Variants in FGF12 observed in about 807,000 individuals in gnomAD.
FGF12 encodes fibroblast growth factor 12B.
FGF12 carries 14 observed loss-of-function variants against 23.6 expected under a neutral mutation model. That is an observed-to-expected ratio of 0.59 (90% CI 0.39 to 0.93). FGF12 has a LOEUF of 0.93. Ranked by LOEUF, FGF12 falls within the 40% of genes least tolerant of loss-of-function variation. The pLI, the probability that FGF12 is intolerant of heterozygous loss-of-function variation, is 0.00. For missense variants in FGF12, 175 were observed against 217.8 expected, an observed-to-expected ratio of 0.80 and a Z score of 1.24; for synonymous variants, 62 against 77.3, an observed-to-expected ratio of 0.80 and a Z score of 1.04.
At chr3:192,689,908 A>T (rs566696369) in intron 2 of FGF12, among the ~76,000 whole-genome samples, 28 of 151,590 alleles carry the variant, frequency 1.8e-4, no homozygotes, top group African/African-American at 6.3e-4. Flanking sequence ...AAGCAGGAAG[A>T]AAAAAAAAGC....
chr3:192,631,445 T>A (rs1474462460), intron 2 of FGF12, among the ~76,000 whole-genome samples: 1 of 152,238 alleles, frequency 6.6e-6, no homozygotes, highest in African/African-American at 2.4e-5. Context: ...CTTGCTAACA[T>A]CATTTGTTCA....
At chr3:192,324,433 GC>G (rs1443028105) in intron 4 of FGF12, among the ~76,000 whole-genome samples, 1 of 152,128 alleles carries the variant, frequency 6.6e-6, no homozygotes, top group Non-Finnish European at 1.5e-5. Flanking sequence ...TATATCTACT[GC>G]TGCTACTGTT....
At chr3:192,255,198 C>T (rs1383428038) in intron 4 of FGF12, among the ~76,000 whole-genome samples, 1 of 152,000 alleles carries the variant, frequency 6.6e-6, no homozygotes, top group Non-Finnish European at 1.5e-5. Context: ...CTGCTCACAG[C>T]ATTGTATCAA....
chr3:192,267,662 G>A (rs1713163633), intron 4 of FGF12, among the ~76,000 whole-genome samples: 1 of 151,968 alleles, frequency 6.6e-6, no homozygotes, highest in Non-Finnish European at 1.5e-5. Context: ...GTGGCATTGT[G>A]GACATTTATA....
chr3:192,365,560 T>C (rs1416459713), intron 2 of FGF12, among the ~76,000 whole-genome samples: 1 of 151,952 alleles, frequency 6.6e-6, no homozygotes, highest in East Asian at 1.9e-4. Context: ...TATCTTCACA[T>C]CTCTATAAAT....
intron 2 of FGF12, among the ~76,000 whole-genome samples, chr3:192,682,238 C>A (rs2108708507): frequency 2.0e-5 from 3 of 152,288 alleles, no homozygotes; most frequent in Middle Eastern, 6.8e-3. Context: ...AGCAGACACC[C>A]AATATTATCT....
In FGF12 at chr3:192,529,902, G is replaced by A. The variant is rs1725045233; in HGVS notation, c.14-169364C>T. Among the ~76,000 whole-genome samples, 4 of 152,010 alleles carry A rather than the reference G, an allele frequency of 2.6e-5. No homozygotes were observed. The South Asian group carries it at 8.3e-4, about 32-fold the overall frequency. On this transcript the variant is annotated intron_variant, in intron 2 of 5. Transcript: ENST00000445105. ...GGAATTCAAGATGAGATTTGGGTGG[G>A]GTCACAGCCAAACCATATCAGTGAG...
chr3:192,715,092 T>G lies in FGF12; in HGVS notation c.13+12089A>C, dbSNP rs1395346541. On this transcript the variant is annotated intron_variant, in intron 2 of 5. Transcript: ENST00000445105. The stretch of plus-strand genomic sequence containing the variant: ...TTGCTTTGCACAGTAGATGTGTTCT[T>G]GAAAAGCTAGTGAATAATTAAAGCT... Among the ~76,000 whole-genome samples, 4 of 152,334 alleles carry G rather than the reference T, an allele frequency of 2.6e-5. No homozygotes were observed. In the East Asian group the frequency reaches 7.7e-4, roughly 29 times the overall value.
At chr3:192,579,955 C>T (rs1046304843) in intron 2 of FGF12, among the ~76,000 whole-genome samples, 3 of 152,114 alleles carry the variant, frequency 2.0e-5, no homozygotes, top group South Asian at 2.1e-4. Flanking sequence ...ATTGAGGTAA[C>T]GTGCTTTTAC....
At chr3:192,648,956 A>G (rs1716110931) in intron 2 of FGF12, among the ~76,000 whole-genome samples, 1 of 152,162 alleles carries the variant, frequency 6.6e-6, no homozygotes, top group African/African-American at 2.4e-5. Context: ...GAATGATTTC[A>G]AGTCATCCTT....
chr3:192,480,308 T>C (rs1049778897), intron 2 of FGF12, among the ~76,000 whole-genome samples: 1 of 152,170 alleles, frequency 6.6e-6, no homozygotes, highest in African/African-American at 2.4e-5. Flanking sequence ...ACCTGGACTA[T>C]GAGATTCTAG....
At chr3:192,658,176 T>C (rs1021452816) in intron 2 of FGF12, among the ~76,000 whole-genome samples, 6 of 152,186 alleles carry the variant, frequency 3.9e-5, no homozygotes, top group Non-Finnish European at 7.3e-5. Context: ...AATCAATCAG[T>C]CCACTGTTTA....
chr3:192,371,076 C>T (rs1163889208), intron 2 of FGF12, among the ~76,000 whole-genome samples: 1 of 152,182 alleles, frequency 6.6e-6, no homozygotes, highest in Non-Finnish European at 1.5e-5. Flanking sequence ...CTCAAATGAT[C>T]ACCCAGAGAA....
chr3:192,375,358 T>G (rs1457267608), intron 2 of FGF12, among the ~76,000 whole-genome samples: 1 of 152,206 alleles, frequency 6.6e-6, no homozygotes, highest in Non-Finnish European at 1.5e-5. Flanking sequence ...CCTTATACTC[T>G]CTCCAATTTT....
intron 4 of FGF12, among the ~76,000 whole-genome samples, chr3:192,222,566 G>C (rs955822760): frequency 3.3e-5 from 5 of 152,090 alleles, no homozygotes; most frequent in African/African-American, 1.2e-4. Flanking sequence ...AGCTCAGTTG[G>C]CAGATACCAA....
intron 2 of FGF12, among the ~76,000 whole-genome samples, chr3:192,696,922 T>A (rs2367015): frequency 0.044 from 6,661 of 152,052 alleles, 510 homozygotes; most frequent in African/African-American, 0.15. Flanking sequence ...GCATTTTTTT[T>A]AAAAGTGATT....
intron 3 of FGF12, among the ~76,000 whole-genome samples, chr3:192,352,002 TAC>T (rs1455252491): frequency 6.6e-6 from 1 of 152,136 alleles, no homozygotes; most frequent in Non-Finnish European, 1.5e-5. Flanking sequence ...AAATCTGTGA[TAC>T]AGGCTTACCT....
chr3:192,565,814 T>C (rs1712251072), intron 2 of FGF12, among the ~76,000 whole-genome samples: 2 of 152,198 alleles, frequency 1.3e-5, no homozygotes, highest in South Asian at 2.1e-4. Flanking sequence ...GGGCCGGGCA[T>C]GGTGGCTCAC....
At chr3:192,184,925 G>A (rs1716372287) in intron 4 of FGF12, among the ~76,000 whole-genome samples, 1 of 152,088 alleles carries the variant, frequency 6.6e-6, no homozygotes, top group Admixed American at 6.5e-5. Flanking sequence ...TCATATATGT[G>A]CCTCCATCTC....
Sources: gnomAD v4.1 joint callset for allele counts (sites outside exome capture counted in the v4.1 genomes callset) on GRCh38, gnomAD v4.1.1 for gene constraint, MANE v1.5 for transcripts, NCBI Gene and HGNC (gene_info 2026-07-23, HGNC 2026-07-21) for gene names.